Variants in KIF5C observed in about 807,000 individuals in gnomAD.
KIF5C encodes kinesin family member 5C.
KIF5C carries 18 observed loss-of-function variants against 125.2 expected under a neutral mutation model. That is an observed-to-expected ratio of 0.14 (90% CI 0.10 to 0.21). KIF5C has a LOEUF of 0.21. Ranked by LOEUF, KIF5C falls within the 10% of genes least tolerant of loss-of-function variation. KIF5C has a pLI of 1.00. For missense variants in KIF5C, 780 were observed against 1,183.8 expected (o/e 0.66, Z 5.01); for synonymous variants, 405 against 434.0 (o/e 0.93, Z 0.83).
chr2:149,003,178 T>C (rs1681908875), intron 21 of KIF5C, among the ~76,000 whole-genome samples: 1 of 152,216 alleles, frequency 6.6e-6, no homozygotes, highest in Admixed American at 6.5e-5. Context: ...CACTCAGCCT[T>C]GGAATCCTCC....
At chr2:149,000,867 A>T in intron 21 of KIF5C, 85 bp downstream of exon 21, 1 of 1,588,544 alleles carries the variant, frequency 6.3e-7, no homozygotes. Flanking sequence ...AATTTTATCC[A>T]TGCACACCTT....
At position 148,983,825 on chromosome 2, in the gene KIF5C, G is replaced by T. The variant is rs1403688248; in HGVS notation, c.1716+59G>T. ...CTCCTGTCAAGTTAGTAGGGTCTGT[G>T]CTTTACTCTTTTAAGCATTCAATGC... On this transcript the variant is annotated intron_variant, in intron 15 of 25. Transcript: ENST00000435030. The T allele has an allele frequency of 4.0e-6, 6 of 1,488,012 alleles. No individual in the cohort carries two copies. The East Asian group carries it at 1.4e-4, about 34-fold the overall frequency. The allele number at this position is 1,488,012 out of a possible 1,614,324, so 92.2% of individuals were successfully genotyped here.
At chr2:148,934,088 T>C (rs1166406399) in intron 3 of KIF5C, among the ~76,000 whole-genome samples, 3 of 137,644 alleles carry the variant, frequency 2.2e-5, no homozygotes, top group Non-Finnish European at 4.5e-5. Flanking sequence ...CACAGACATA[T>C]ATATCACACA....
At chr2:148,971,132 G>A (rs1680890145) in intron 11 of KIF5C, among the ~76,000 whole-genome samples, 1 of 152,156 alleles carries the variant, frequency 6.6e-6, no homozygotes. Context: ...AAGTGTTAGT[G>A]GTGAATTTCT....
At chr2:148,984,534 CA>C (rs1391436721) in intron 15 of KIF5C, among the ~76,000 whole-genome samples, 2 of 151,974 alleles carry the variant, frequency 1.3e-5, no homozygotes, top group African/African-American at 4.8e-5. Flanking sequence ...GCTGTAGTAC[CA>C]ATCATCACAT....
intron 1 of KIF5C, among the ~76,000 whole-genome samples, chr2:148,877,578 G>T (rs1681227525): frequency 6.6e-6 from 1 of 152,252 alleles, no homozygotes; most frequent in South Asian, 2.1e-4. Context: ...GGTTTAGATA[G>T]AGTGGGAGTT....
intron 18 of KIF5C, chr2:148,997,997 C>A: frequency 9.5e-6 from 2 of 210,186 alleles, no homozygotes; most frequent in East Asian, 2.2e-4. Context: ...GTGCAGTGGG[C>A]AGGGCAGGGG....
intron 7 of KIF5C, among the ~76,000 whole-genome samples, chr2:148,943,787 C>A (rs1378766751): frequency 1.3e-5 from 2 of 152,152 alleles, no homozygotes; most frequent in African/African-American, 2.4e-5. Flanking sequence ...TCTCTTCTAC[C>A]CAAGACTCTC....
At position 148,892,418 on chromosome 2, in the gene KIF5C, G is replaced by A. The variant is rs116145156; in HGVS notation, c.126+16675G>A. On this transcript the variant is annotated intron_variant, in intron 1 of 25. Coordinates refer to ENST00000435030, the MANE Select transcript of KIF5C (RefSeq NM_004522.3). Reference sequence around the variant, plus strand: ...AGCTTTGTTGTTCCCATTAGCAACCGATTAGACTGAGACGTAAGTTTGGGA... The same window carrying A: ...AGCTTTGTTGTTCCCATTAGCAACCAATTAGACTGAGACGTAAGTTTGGGA... Among the ~76,000 whole-genome samples the A allele has an allele frequency of 5.8e-3, 884 of 152,306 alleles. 2 individuals carry two copies. Among genetic ancestry groups the A allele is most frequent in the African/African-American group, 0.02 (839 of 41,556 alleles).
At position 148,986,334 on chromosome 2, in the gene KIF5C, T is replaced by C. The variant is rs374932129; in HGVS notation, c.1716+2568T>C. On this transcript the variant is annotated intron_variant, in intron 15 of 25. Transcript: ENST00000435030. ...ACATTGGATGTCCTAGTTAATTTCA[T>C]TGATAGCCATCATTTCTATCATTCT... Among the ~76,000 whole-genome samples the C allele has an allele frequency of 1.1e-4, 16 of 152,342 alleles. No individual in the cohort carries two copies. The East Asian group carries it at 1.2e-3, about 11-fold the overall frequency.
intron 7 of KIF5C, among the ~76,000 whole-genome samples, chr2:148,944,455 C>A (rs1372471075): frequency 6.6e-6 from 1 of 152,160 alleles, no homozygotes; most frequent in East Asian, 1.9e-4. Flanking sequence ...AAGTTTCATC[C>A]ATGTGGTAGC....
intron 1 of KIF5C, among the ~76,000 whole-genome samples, chr2:148,903,076 T>TGA (rs1178557137): frequency 6.6e-6 from 1 of 151,994 alleles, no homozygotes; most frequent in African/African-American, 2.4e-5. Context: ...GGCTGAAGAG[T>TGA]GATGTCTGCT....
At chr2:148,943,848 A>G (rs865826667) in intron 7 of KIF5C, among the ~76,000 whole-genome samples, 3 of 152,180 alleles carry the variant, frequency 2.0e-5, no homozygotes, top group African/African-American at 7.2e-5. Context: ...TATCTGAGCA[A>G]TGTATCAGAT....
intron 1 of KIF5C, among the ~76,000 whole-genome samples, chr2:148,887,161 A>T (rs906350237): frequency 6.6e-6 from 1 of 152,234 alleles, no homozygotes; most frequent in Non-Finnish European, 1.5e-5. Context: ...AATATTTAAA[A>T]ATATTCATTA....
intron 9 of KIF5C, 60 bp downstream of exon 9, chr2:148,950,003 C>T: frequency 6.4e-7 from 1 of 1,553,586 alleles, no homozygotes; most frequent in South Asian, 1.2e-5. Flanking sequence ...TTTGGGGCCT[C>T]ATAGTCCCTT....
At chr2:148,978,349 T>TG (rs932708508) in intron 12 of KIF5C, among the ~76,000 whole-genome samples, 6 of 148,382 alleles carry the variant, frequency 4.0e-5, no homozygotes, top group African/African-American at 7.4e-5. Flanking sequence ...TTTTTTTTTT[T>TG]TTTTTTTTTT....
chr2:148,893,237 T>A (rs1681756501), intron 1 of KIF5C, among the ~76,000 whole-genome samples: 1 of 152,232 alleles, frequency 6.6e-6, no homozygotes. Context: ...TACTCTTTGG[T>A]CTCTTTTGAA....
At chr2:148,983,957 GA>G (rs1486582236) in intron 15 of KIF5C, among the ~76,000 whole-genome samples, 191 bp downstream of exon 15, 4 of 152,222 alleles carry the variant, frequency 2.6e-5, no homozygotes, top group East Asian at 3.9e-4. Flanking sequence ...AGGAGGAGGA[GA>G]AAAAAAATTA....
At chr2:148,913,061 G>T (rs1325557882) in intron 1 of KIF5C, among the ~76,000 whole-genome samples, 1 of 152,190 alleles carries the variant, frequency 6.6e-6, no homozygotes, top group Non-Finnish European at 1.5e-5. Flanking sequence ...TTTGGTTAAT[G>T]TAATTATACT....
Sources: gnomAD v4.1 joint callset for allele counts (sites outside exome capture counted in the v4.1 genomes callset) on GRCh38, gnomAD v4.1.1 for gene constraint, MANE v1.5 for transcripts, NCBI Gene and HGNC (gene_info 2026-07-23, HGNC 2026-07-21) for gene names.